Variants in PCDH15 observed in about 807,000 individuals in gnomAD.
PCDH15 encodes protocadherin related 15.
PCDH15 carries 129 observed loss-of-function variants against 178.5 expected under a neutral mutation model. The ratio of observed to expected loss-of-function variants is 0.72; its 90% CI spans 0.63 to 0.84. PCDH15 has a LOEUF of 0.84. Ranked by LOEUF, PCDH15 falls within the 40% of genes least tolerant of loss-of-function variation. The pLI is 0.00. For synonymous variants in PCDH15, 800 were observed against 732.0 expected (o/e 1.09, Z -1.50); for missense variants, 2,230 against 2,099.9 (o/e 1.06, Z -1.21).
chr10:54,514,318 T>C (rs1435301059), intron 3 of PCDH15, among the ~76,000 whole-genome samples: 1 of 152,128 alleles, frequency 6.6e-6, no homozygotes, highest in African/African-American at 2.4e-5. Flanking sequence ...CACAGCTTCC[T>C]ATCAGTGTTT....
chr10:53,872,702 C>A (rs533958964), intron 26 of PCDH15, among the ~76,000 whole-genome samples: 1 of 152,136 alleles, frequency 6.6e-6, no homozygotes, highest in Non-Finnish European at 1.5e-5. Flanking sequence ...TTTAGGAAAT[C>A]CTTGCTATAT....
At chr10:54,906,953 G>T (rs1484450153) in intron 2 of PCDH15, among the ~76,000 whole-genome samples, 1 of 152,064 alleles carries the variant, frequency 6.6e-6, no homozygotes, top group East Asian at 1.9e-4. Context: ...ACACTGTCTG[G>T]AAAACAGGAA....
At chr10:55,242,876 C>A (rs1564925383) in intron 1 of PCDH15, among the ~76,000 whole-genome samples, 1 of 151,916 alleles carries the variant, frequency 6.6e-6, no homozygotes. Context: ...AAGGCACACA[C>A]TGTTAGTAAT....
At position 54,537,168 on chromosome 10, in the gene PCDH15, T is replaced by C. The variant is rs544339067; in HGVS notation, c.92-9291A>G. On this transcript the variant is annotated intron_variant, in intron 2 of 37. Transcript: ENST00000644397. ...CGCCCGCTACCATGCCCAGCTAATTTTTTTGTATTTTCAGTAGAGACGGGG... is the reference window on the plus strand; with the variant it reads ...CGCCCGCTACCATGCCCAGCTAATTCTTTTGTATTTTCAGTAGAGACGGGG... Among the ~76,000 whole-genome samples, 207 of 152,048 alleles carry C rather than the reference T, an allele frequency of 1.4e-3. 1 individual carries two copies. The highest frequency in any genetic ancestry group is 4.7e-3 in the African/African-American group (194 of 41,472).
At chr10:54,503,515 A>AT (rs956088016) in intron 3 of PCDH15, among the ~76,000 whole-genome samples, 1 of 135,692 alleles carries the variant, frequency 7.4e-6, no homozygotes, top group Admixed American at 8.3e-5. Flanking sequence ...TAGATAGAAT[A>AT]TTTAAAAAAA....
Position 55,599,950 on chromosome 10 carries a change from C to A in PCDH15, c.-156+27675G>T, listed in dbSNP as rs528439225. ...TCTTACTTTCAACCAGTGAAATTGA[C>A]CTACCTATGAAGAGGCGGGTATAAA... On this transcript the variant is annotated intron_variant, in intron 2 of 5. Coordinates refer to the PCDH15 transcript ENST00000613346. The A allele has an allele frequency of 2.7e-5, 41 of 1,517,842 alleles. 1 individual carries two copies. In the South Asian group the frequency reaches 4.7e-4, roughly 17 times the overall value. The allele number at this position is 1,517,842 out of a possible 1,614,324, so 94.0% of individuals were successfully genotyped here.
intron 5 of PCDH15, among the ~76,000 whole-genome samples, chr10:54,352,511 AG>A (rs1944339398): frequency 6.6e-6 from 1 of 152,160 alleles, no homozygotes. Context: ...GAATATCTGA[AG>A]GATACTGAAT....
chr10:55,584,312 T>C (rs1216256994), intron 2 of PCDH15, among the ~76,000 whole-genome samples: 2 of 151,116 alleles, frequency 1.3e-5, no homozygotes, highest in Non-Finnish European at 2.9e-5. Flanking sequence ...AAATAGTATA[T>C]GTAAAAAAGT....
At chr10:54,920,468 C>CAAAA (rs71014429) in intron 2 of PCDH15, among the ~76,000 whole-genome samples, 3,457 of 57,794 alleles carry the variant, frequency 0.06, 599 homozygotes, top group Middle Eastern at 0.081. Context: ...GACTGTGTCT[C>CAAAA]AAAAAAAAAA....
At chr10:54,914,580 G>T (rs925866627) in intron 2 of PCDH15, among the ~76,000 whole-genome samples, 2 of 152,104 alleles carry the variant, frequency 1.3e-5, no homozygotes, top group Non-Finnish European at 2.9e-5. Flanking sequence ...CCTTATGCTG[G>T]AAACTTTAAT....
At chr10:54,456,778 G>T (rs1460372655) in intron 3 of PCDH15, among the ~76,000 whole-genome samples, 3 of 152,130 alleles carry the variant, frequency 2.0e-5, no homozygotes, top group Non-Finnish European at 4.4e-5. Flanking sequence ...ACAGTGGGAG[G>T]TTATTTAATC....
intron 2 of PCDH15, among the ~76,000 whole-genome samples, chr10:55,364,704 G>A (rs184081347): frequency 6.6e-6 from 1 of 151,966 alleles, no homozygotes; most frequent in African/African-American, 2.4e-5. Context: ...GTCATGGAAT[G>A]AATGTTAGAC....
intron 1 of PCDH15, among the ~76,000 whole-genome samples, chr10:54,786,215 T>C (rs1950861383): frequency 6.6e-6 from 1 of 152,086 alleles, no homozygotes; most frequent in Middle Eastern, 3.4e-3. Flanking sequence ...CATCTGTATA[T>C]CAATGCTAGG....
At chr10:55,602,465 C>T (rs535655936) in intron 2 of PCDH15, among the ~76,000 whole-genome samples, 29 of 152,242 alleles carry the variant, frequency 1.9e-4, no homozygotes, top group Middle Eastern at 3.4e-3. Flanking sequence ...ACAGCAGTAA[C>T]CTCTGCAGAC....
intron 2 of PCDH15, among the ~76,000 whole-genome samples, chr10:54,653,504 G>A (rs1286480566): frequency 1.3e-5 from 2 of 152,132 alleles, no homozygotes; most frequent in East Asian, 3.9e-4. Context: ...TTAGCATCTG[G>A]TAATGGCTGT....
At chr10:55,415,797 C>T (rs72805824) in intron 2 of PCDH15, among the ~76,000 whole-genome samples, 6,967 of 151,672 alleles carry the variant, frequency 0.046, 257 homozygotes, top group Middle Eastern at 0.14. Flanking sequence ...CTTAACATCT[C>T]AATGGGAAGA....
rs857395 is a variant in PCDH15 at position 54,329,503 on chromosome 10, G to A, written c.705+93C>T. On this transcript the variant is annotated intron_variant, in intron 7 of 37. Transcript: ENST00000644397. ...GAGTGCCCTGATGAAGAAGTGAGTG[G>A]CACAGAGCTCTCCAAGAGTATCTGA... is the stretch of plus-strand genomic sequence containing the variant. The A allele has an allele frequency of 0.69, 633,010 of 912,058 alleles. 227,295 individuals carry two copies. Among genetic ancestry groups the A allele is most frequent in the African/African-American group, 0.85 (52,212 of 61,258 alleles). 56.5% of individuals were successfully genotyped at this position (912,058 alleles called of 1,614,324 possible). A position where few individuals can be genotyped will look rare whatever the true frequency, so the allele number is the denominator to read the frequency against.
intron 29 of PCDH15, among the ~76,000 whole-genome samples, chr10:53,837,061 T>C (rs142588764): frequency 0.013 from 2,040 of 151,894 alleles, 67 homozygotes; most frequent in African/African-American, 0.047. Flanking sequence ...GTAAATATTA[T>C]TCACACTAAA....
chr10:55,023,867 C>A (rs1223534995), intron 2 of PCDH15, among the ~76,000 whole-genome samples: 1 of 106,952 alleles, frequency 9.3e-6, no homozygotes, highest in Non-Finnish European at 2.0e-5. Context: ...ATATTCCTTC[C>A]TATATATATA....
Sources: allele counts gnomAD v4.1 joint callset (sites outside exome capture counted in the v4.1 genomes callset), GRCh38; gene constraint gnomAD v4.1.1; transcripts MANE v1.5; gene names NCBI Gene and HGNC (gene_info 2026-07-23, HGNC 2026-07-21).